Variants in MMP1 observed in about 807,000 individuals in gnomAD.
MMP1 encodes interstitial collagenase.
A neutral mutation model predicts 49.6 loss-of-function variants in MMP1; 51 were observed. That is an observed-to-expected ratio of 1.03 (90% CI 0.82 to 1.30). The LOEUF (loss-of-function observed/expected upper bound fraction) is 1.30, where lower values mean the gene tolerates loss of function less well. MMP1 is among the 50% of genes most tolerant of loss of function. The pLI is 0.00. For missense variants in MMP1, 623 were observed against 568.7 expected (o/e 1.10, Z -0.97); for synonymous variants, 230 against 196.8 (o/e 1.17, Z -1.41).
Position 102,797,358 on chromosome 11 carries a change from G to T in MMP1, c.248C>A (p.Thr83Asn), listed in dbSNP as rs143788145. The change falls in exon 2 of 10, where the codon ACC becomes AAC. Residue 83 changes from threonine to asparagine, a missense_variant. Transcript: ENST00000315274. ...TCTGGGCTGCTTCATCACCTTCAGG[G>T]TTTCAGCATCTGGTTTCCCAGTCAC... ...LKVTGKPDAE[T>N]LKVMKQPRCG... 3.0e-3 allele frequency: 4,892 copies of T among 1,614,134 alleles called. 8 individuals are homozygous for T. The highest frequency in any genetic ancestry group is 3.7e-3 in the Non-Finnish European group (4,389 of 1,180,028).
In MMP1 at chr11:102,791,447, G is replaced by C; in HGVS notation, c.1082C>G (p.Pro361Arg). The C allele has an allele frequency of 6.2e-7, 1 of 1,613,988 alleles. No individual in the cohort carries two copies. The highest frequency in any genetic ancestry group is 8.5e-7 in the Non-Finnish European group (1 of 1,179,870). ...GCCAAAGGAGCTGTAGATGTCCTTG[G>C]GGTATCCGTGTAGCACATTCTGTCC... ...VQGQNVLHGY[P>R]KDIYSSFGFP... Residue 361 changes from proline to arginine, a missense_variant, in exon 8 of 10, where the codon CCC (proline) becomes CGC (arginine). Pro to Arg is a moderately radical substitution (Grantham distance 103). Coordinates refer to ENST00000315274, the MANE Select transcript of MMP1 (RefSeq NM_002421.4).
intron 1 of MMP1, among the ~76,000 whole-genome samples, chr11:102,797,765 T>C (rs534244093): frequency 6.6e-6 from 1 of 152,256 alleles, no homozygotes; most frequent in African/African-American, 2.4e-5. Context: ...CTACAATTTG[T>C]GGAGACAAGT....
intron 4 of MMP1, 49 bp from the exon 5 acceptor site, chr11:102,795,656 T>C (rs1200137409): frequency 2.0e-6 from 3 of 1,469,452 alleles, no homozygotes; most frequent in East Asian, 4.8e-5. Flanking sequence ...GGTATTCAGT[T>C]TTGAGGCATT....
At position 102,798,158 on chromosome 11, in the gene MMP1, T is replaced by C. The variant is rs766760879; in HGVS notation, c.-66A>G. 25 of 1,332,144 alleles carry C rather than the reference T, an allele frequency of 1.9e-5. No homozygotes were observed. The highest frequency in any genetic ancestry group is 2.6e-5 in the South Asian group (2 of 76,814). 82.5% of individuals were successfully genotyped at this position (1,332,144 alleles called of 1,614,324 possible). ...GCTTCCCAGCCTCTTGCTGCTCCAA[T>C]ATCCCAGCTAGGAAGCTCCCTCTGT... On this transcript the variant is annotated 5_prime_UTR_variant, in exon 1 of 10. In the 5' UTR this introduces an upstream ATG that the reference lacks. Coordinates refer to ENST00000315274, the MANE Select transcript of MMP1 (RefSeq NM_002421.4).
chr11:102,797,012 AC>A lies in MMP1; in HGVS notation c.499+1del. The A allele has an allele frequency of 6.2e-7, 1 of 1,611,624 alleles. No homozygotes were observed. Among genetic ancestry groups the A allele is most frequent in the Non-Finnish European group, 8.5e-7 (1 of 1,178,536 alleles). Reference sequence around the variant, plus strand: ...GGTTAAGGTGCTATAAGAAGAACTTACCTCCCCTGACAAAAGATATCATGAT... The same window carrying A: ...GGTTAAGGTGCTATAAGAAGAACTTACTCCCCTGACAAAAGATATCATGAT... On this transcript the variant is annotated splice_donor_variant, in intron 3 of 9. Transcript: ENST00000315274. LOFTEE classifies it high-confidence loss of function.
At chr11:102,791,690 C>T (rs1858036793) in intron 7 of MMP1, among the ~76,000 whole-genome samples, 195 bp from the exon 8 acceptor site, 1 of 152,148 alleles carries the variant, frequency 6.6e-6, no homozygotes, top group South Asian at 2.1e-4. Flanking sequence ...TCTTTGGAAG[C>T]TTCTTAGTTG....
chr11:102,791,035 T>A (rs138753363), intron 8 of MMP1, among the ~76,000 whole-genome samples: 9 of 152,344 alleles, frequency 5.9e-5, no homozygotes, highest in African/African-American at 1.9e-4. Flanking sequence ...CGCTATGTCC[T>A]ATCGAGGTAA....
chr11:102,792,425 T>G (rs1427849270), intron 7 of MMP1, among the ~76,000 whole-genome samples, 180 bp downstream of exon 7: 1 of 152,254 alleles, frequency 6.6e-6, no homozygotes, highest in Non-Finnish European at 1.5e-5. Context: ...TTGTTTAAAA[T>G]GACTCCAAAA....
Position 102,798,039 on chromosome 11 carries a change from G to T in MMP1, c.54C>A (p.His18Gln). 6.2e-7 allele frequency: 1 copy of T among 1,613,530 alleles called. No individual in the cohort carries two copies. ...LLLLFWGVVS[H>Q]SFPATLETQE... ...GTGTTTCTAGAGTCGCTGGGAAGCTGTGAGACACCACACCCCAGAACAGCA... is the reference window on the plus strand; with the variant it reads ...GTGTTTCTAGAGTCGCTGGGAAGCTTTGAGACACCACACCCCAGAACAGCA... Residue 18 changes from histidine (H) to glutamine (Q), a missense_variant, in exon 1 of 10, where the codon CAC (histidine) becomes CAA (glutamine). Transcript: ENST00000315274.
chr11:102,790,381 A>T lies in MMP1; in HGVS notation c.*31T>A, dbSNP rs760288779. ...AGGAAAACACCTTCTTTGGACTCAC[A>T]CCATGTGTTTTCCATTCAAATTAGT... On this transcript the variant is annotated 3_prime_UTR_variant, in exon 10 of 10. Transcript: ENST00000315274. 2.2e-6 allele frequency: 3 copies of T among 1,351,412 alleles called. No individual in the cohort carries two copies. The highest frequency in any genetic ancestry group is 3.1e-6 in the Non-Finnish European group (3 of 953,154). 83.7% of individuals were successfully genotyped at this position (1,351,412 alleles called of 1,614,324 possible). A position where few individuals can be genotyped will look rare whatever the true frequency, so the allele number is the denominator to read the frequency against.
Position 102,795,254 on chromosome 11 carries a change from T to G in MMP1, c.819A>C (p.Gln273His). Residue 273 changes from glutamine (Q) to histidine (H), a missense_variant, in exon 6 of 10, where the codon CAA becomes CAC. Transcript: ENST00000315274. Reference sequence around the variant, plus strand: ...GCTTACTGTCACACGCTTTTGGGGTTTGTGGGCCGATGGGCTGGACAGGAT... The same window carrying G: ...GCTTACTGTCACACGCTTTTGGGGTGTGTGGGCCGATGGGCTGGACAGGAT... ...SQNPVQPIGPQTPKACDSKLT... is the reference protein window; with the variant it reads ...SQNPVQPIGPHTPKACDSKLT... 6.2e-7 allele frequency: 1 copy of G among 1,614,074 alleles called. No individual in the cohort carries two copies. Among genetic ancestry groups the G allele is most frequent in the East Asian group, 2.2e-5 (1 of 44,882 alleles).
At chr11:102,795,736 C>T in intron 4 of MMP1, 129 bp from the exon 5 acceptor site, 1 of 757,314 alleles carries the variant, frequency 1.3e-6, no homozygotes, top group South Asian at 2.2e-5. Context: ...GAAATATATG[C>T]ATGTATATCT....
At chr11:102,796,969 G>A in intron 3 of MMP1, 45 bp downstream of exon 3, 3 of 1,579,316 alleles carry the variant, frequency 1.9e-6, no homozygotes, top group Non-Finnish European at 2.6e-6. Context: ...AAAGCTACGA[G>A]ATCTAGGGGC....
In MMP1 at chr11:102,792,792, C is replaced by T. The variant is rs1041131836; in HGVS notation, c.900-54G>A. ...CCATCTAATTTCTGGTAATCTCTGGCAGATATCCAGCTCCAGCTCCTTCTT... is the reference window on the plus strand; with the variant it reads ...CCATCTAATTTCTGGTAATCTCTGGTAGATATCCAGCTCCAGCTCCTTCTT... On this transcript the variant is annotated intron_variant, in intron 6 of 9. Coordinates refer to ENST00000315274, the MANE Select transcript of MMP1 (RefSeq NM_002421.4). The T allele has an allele frequency of 1.0e-5, 16 of 1,531,422 alleles. No individual in the cohort carries two copies. In the South Asian group the frequency reaches 1.2e-4, roughly 12 times the overall value. 94.9% of individuals were successfully genotyped at this position (1,531,422 alleles called of 1,614,324 possible). A position where few individuals can be genotyped will look rare whatever the true frequency, so the allele number is the denominator to read the frequency against.
rs542710164 is a variant in MMP1, at chr11:102,792,623, C to G, written c.1015G>C (p.Glu339Gln). ...AGATTACCTTTGAAAAACCGGACTT[C>G]ATCTCTGTCGGCAAATTCGTAAGCA... ...EAAYEFADRD[E>Q]VRFFKGNKYW... The change falls in exon 7 of 10, where the codon GAA becomes CAA. Residue 339 changes from glutamate to glutamine, a missense_variant. Glu to Gln is a conservative substitution (Grantham distance 29, BLOSUM62 2). Transcript: ENST00000315274. The G allele has an allele frequency of 1.1e-5, 17 of 1,613,666 alleles. No homozygotes were observed. Among genetic ancestry groups the G allele is most frequent in the African/African-American group, 9.3e-5 (7 of 75,026 alleles).
At chr11:102,793,276 G>A (rs11225425) in intron 6 of MMP1, 5,679 of 152,058 alleles carry the variant, frequency 0.037, 290 homozygotes, top group African/African-American at 0.11. Context: ...AGGCCAACAC[G>A]CCCAGCTAAT....
chr11:102,790,904 A>G, intron 8 of MMP1, 98 bp from the exon 9 acceptor site: 1 of 732,250 alleles, frequency 1.4e-6, no homozygotes, highest in Non-Finnish European at 2.4e-6. Flanking sequence ...TAACCAGAAT[A>G]TTTCATTTTA....
chr11:102,795,602 T>A lies in MMP1; in HGVS notation c.631A>T (p.Asn211Tyr). 6.2e-7 allele frequency: 1 copy of A among 1,606,628 alleles called. No homozygotes were observed. The highest frequency in any genetic ancestry group is 8.5e-7 in the Non-Finnish European group (1 of 1,178,180). ...TCATGAGCTGCAACACGATGTAAGT[T>A]GTACTCTAAAAAGGCCAATAAATCA... ...ERWTNNFREY[N>Y]LHRVAAHELG... Residue 211 changes from asparagine to tyrosine, a missense_variant, in exon 5 of 10, where the codon AAC becomes TAC. Transcript: ENST00000315274.
At chr11:102,793,679 G>T (rs1858097260) in intron 6 of MMP1, among the ~76,000 whole-genome samples, 2 of 152,176 alleles carry the variant, frequency 1.3e-5, no homozygotes, top group Admixed American at 6.5e-5. Flanking sequence ...GGTGTCTAAG[G>T]CCACCCAGCT....
Sources: gnomAD v4.1 joint callset for allele counts (sites outside exome capture counted in the v4.1 genomes callset) on GRCh38, gnomAD v4.1.1 for gene constraint, MANE v1.5 for transcripts, NCBI Gene and HGNC (gene_info 2026-07-23, HGNC 2026-07-21) for gene names.